Variants in ZNF385A observed in about 807,000 individuals in gnomAD.
ZNF385A encodes zinc finger protein 385A, also known as hematopoietic zinc finger protein.
Under a neutral mutation model 32.1 loss-of-function variants are expected in ZNF385A, and 14 were observed. The observed-to-expected ratio is 0.44, with a 90% CI of 0.29 to 0.68. ZNF385A has a LOEUF of 0.68. ZNF385A is among the 30% of genes least tolerant of loss of function. ZNF385A has a pLI of 0.14. For missense variants in ZNF385A, 406 were observed against 478.4 expected, an observed-to-expected ratio of 0.85 and a Z score of 1.41; for synonymous variants, 197 against 202.7, an observed-to-expected ratio of 0.97 and a Z score of 0.24.
At chr12:54,390,278 G>A (rs1223803942) in intron 1 of ZNF385A, among the ~76,000 whole-genome samples, 2 of 152,102 alleles carry the variant, frequency 1.3e-5, no homozygotes, top group East Asian at 1.9e-4. Flanking sequence ...CAGGGTGGAG[G>A]GCAGGGGCAT....
chr12:54,386,322 G>A (rs1955480319), upstream of ZNF385A, among the ~76,000 whole-genome samples: 1 of 152,122 alleles, frequency 6.6e-6, no homozygotes, highest in African/African-American at 2.4e-5. Flanking sequence ...GAGAACAATG[G>A]AGAGATGTCA....
At chr12:54,386,102 G>C (rs1490177777), upstream of ZNF385A, among the ~76,000 whole-genome samples, 1 of 151,746 alleles carries the variant, frequency 6.6e-6, no homozygotes, top group Non-Finnish European at 1.5e-5. Flanking sequence ...CCCTTAAGTA[G>C]CTGGGGGTCT....
chr12:54,391,211 C>T (rs1189624064), intron 1 of ZNF385A: 1 of 1,468,068 alleles, frequency 6.8e-7, no homozygotes. Context: ...GAGCCGGGAG[C>T]CTGGAGTCGC....
intron 1 of ZNF385A, 105 bp downstream of exon 1, chr12:54,384,323 A>T: frequency 7.6e-7 from 1 of 1,323,290 alleles, no homozygotes; most frequent in Non-Finnish European, 1.0e-6. Flanking sequence ...ATGGGGTCAT[A>T]AGAGGAGATA....
intron 1 of ZNF385A, among the ~76,000 whole-genome samples, chr12:54,377,830 A>T (rs1954926166): frequency 1.3e-5 from 2 of 152,134 alleles, no homozygotes; most frequent in Admixed American, 6.6e-5. Flanking sequence ...GGGCCAGGAA[A>T]CCCAAGTTGG....
At chr12:54,373,525 A>G (rs1016351376) in intron 3 of ZNF385A, among the ~76,000 whole-genome samples, 1 of 150,602 alleles carries the variant, frequency 6.6e-6, no homozygotes, top group Non-Finnish European at 1.5e-5. Context: ...CAAAAGGTCT[A>G]CTACTACCCA....
At position 54,370,579 on chromosome 12, in the gene ZNF385A, C is replaced by G. The variant is rs1287810840; in HGVS notation, c.870+47G>C. The G allele has an allele frequency of 6.4e-7, 1 of 1,558,564 alleles. No homozygotes were observed. Among genetic ancestry groups the G allele is most frequent in the East Asian group, 2.4e-5 (1 of 41,812 alleles). On this transcript the variant is annotated intron_variant, in intron 6 of 6. Coordinates refer to ENST00000394313, the MANE Select transcript of ZNF385A (RefSeq NM_015481.3). The surrounding 1 kb of genome is among the most constrained non-coding windows in gnomAD (Gnocchi z 5.5). ...GCAAAGCCCGCGTCCCTCTCTCCTC[C>G]CCGCCCGCGCCCTCCCACTGCTGAA...
rs982992721 is a variant in ZNF385A at position 54,369,405 on chromosome 12, T to A, written c.*851A>T. ...GGGACAGCCATGAGGTCTAGGAACT[T>A]GGATCGGGGAGGCTACAGACTCGGC... On this transcript the variant is annotated 3_prime_UTR_variant, in exon 7 of 7. Transcript: ENST00000394313. 6.8e-6 allele frequency: 1 copy of A among 147,886 alleles called. No individual in the cohort carries two copies. Among genetic ancestry groups the A allele is most frequent in the Non-Finnish European group, 1.5e-5 (1 of 66,870 alleles). The allele number at this position is 147,886 out of a possible 1,614,324, so 9.2% of individuals were successfully genotyped here.
Position 54,370,128 on chromosome 12 carries a change from A to T in ZNF385A, c.*128T>A. On this transcript the variant is annotated 3_prime_UTR_variant, in exon 7 of 7. Coordinates refer to ENST00000394313, the MANE Select transcript of ZNF385A (RefSeq NM_015481.3). This position sits in a 1 kb window ranked among gnomAD's most constrained non-coding sequence, Gnocchi z 5.5. ...CCCCTCCCCTTTCCTGGAACCCCGT[A>T]TCTCGGGGTGGGGGGGGGGAAGGAG... is the stretch of plus-strand genomic sequence containing the variant. 1.4e-6 allele frequency: 1 copy of T among 701,678 alleles called. No individual in the cohort carries two copies. Among genetic ancestry groups the T allele is most frequent in the Non-Finnish European group, 2.1e-6 (1 of 484,660 alleles). The allele number at this position is 701,678 out of a possible 1,614,324, so 43.5% of individuals were successfully genotyped here.
intron 2 of ZNF385A, among the ~76,000 whole-genome samples, chr12:54,375,174 CA>C (rs890443532): frequency 1.3e-5 from 2 of 152,102 alleles, no homozygotes; most frequent in Admixed American, 1.3e-4. Flanking sequence ...CAAAAGCTCT[CA>C]GGGCCTGCAC....
intron 3 of ZNF385A, among the ~76,000 whole-genome samples, chr12:54,372,410 A>C (rs1954601525): frequency 1.3e-5 from 2 of 151,962 alleles, no homozygotes; most frequent in Admixed American, 1.3e-4. Flanking sequence ...GGAACTCCTC[A>C]CCCCTCCAGG....
Position 54,374,005 on chromosome 12 carries a change from G to A in ZNF385A, c.329C>T (p.Pro110Leu). The A allele has an allele frequency of 1.3e-6, 2 of 1,579,548 alleles. No homozygotes were observed. The highest frequency in any genetic ancestry group is 1.7e-6 in the Non-Finnish European group (2 of 1,160,428). Residue 110 changes from proline to leucine, a missense_variant, in exon 3 of 7, where the codon CCA becomes CTA. By Grantham distance (98) the Pro-to-Leu change is moderately conservative (BLOSUM62 -3). Coordinates refer to ENST00000394313, the MANE Select transcript of ZNF385A (RefSeq NM_015481.3). ...PGDPAPPGST[P>L]TNGDGVAPRP... Reference sequence around the variant, plus strand: ...GGGTGCTACACCATCCCCATTTGTTGGGGTGCTGCCTGGGGGAGCTGGGTC... The same window carrying A: ...GGGTGCTACACCATCCCCATTTGTTAGGGTGCTGCCTGGGGGAGCTGGGTC...
intron 1 of ZNF385A, among the ~76,000 whole-genome samples, chr12:54,390,095 G>A (rs1371973946): frequency 6.6e-6 from 1 of 152,160 alleles, no homozygotes; most frequent in African/African-American, 2.4e-5. Flanking sequence ...GAGTGCAGGA[G>A]CCAGTCAAGC....
intron 1 of ZNF385A, chr12:54,391,117 C>G (rs373926796): frequency 9.4e-7 from 1 of 1,062,828 alleles, no homozygotes; most frequent in Non-Finnish European, 1.3e-6. Context: ...GAGGGGGAAC[C>G]GGTCGCTGAC....
intron 1 of ZNF385A, among the ~76,000 whole-genome samples, chr12:54,380,924 G>A (rs1488412126): frequency 2.0e-5 from 3 of 152,050 alleles, no homozygotes; most frequent in African/African-American, 4.8e-5. Flanking sequence ...TTGGCCGGGC[G>A]CAGTGGCTCA....
chr12:54,376,594 C>T (rs1954860203), intron 1 of ZNF385A, among the ~76,000 whole-genome samples: 1 of 152,148 alleles, frequency 6.6e-6, no homozygotes, highest in African/African-American at 2.4e-5. Flanking sequence ...AATGGGGGGA[C>T]CTAAGCAGCT....
rs370356057 is a variant in ZNF385A, at chr12:54,375,992, G to A, written c.88-38C>T. Reference sequence around the variant, plus strand: ...GCTGGGGTGAGCCGGGAACCCTAGCGCAACTCATGTCCAGCATTCCCCCAA... The same window carrying A: ...GCTGGGGTGAGCCGGGAACCCTAGCACAACTCATGTCCAGCATTCCCCCAA... On this transcript the variant is annotated intron_variant, in intron 1 of 6. Coordinates refer to ENST00000394313, the MANE Select transcript of ZNF385A (RefSeq NM_015481.3). 2.4e-5 allele frequency: 36 copies of A among 1,526,850 alleles called. 1 individual carries two copies. Among genetic ancestry groups the A allele is most frequent in the South Asian group, 9.0e-5 (8 of 89,280 alleles). 94.6% of individuals were successfully genotyped at this position (1,526,850 alleles called of 1,614,324 possible).
intron 1 of ZNF385A, among the ~76,000 whole-genome samples, chr12:54,378,526 A>G (rs1220217868): frequency 1.3e-5 from 2 of 152,156 alleles, no homozygotes; most frequent in African/African-American, 4.8e-5. Flanking sequence ...GAGGGGTGCT[A>G]TGATTATATT....
Position 54,370,629 on chromosome 12 carries a change from C to T in ZNF385A, c.867G>A (p.Leu289=), listed in dbSNP as rs1954486906. 1 of 1,599,720 alleles carries T rather than the reference C, an allele frequency of 6.3e-7. No individual in the cohort carries two copies. Among genetic ancestry groups the T allele is most frequent in the African/African-American group, 1.3e-5 (1 of 74,870 alleles). ...ATTCCCAGCATCCAGGCCTCACCGC[C>T]AGCTCCCCGGCGCCCCTAGACTTCT... ...RHKKSRGAGE[L]AGTLTFSKEL... Residue 289 remains leucine, a synonymous_variant, in exon 6 of 7, where the codon CTG becomes CTA. Transcript: ENST00000394313. This position sits in a 1 kb window ranked among gnomAD's most constrained non-coding sequence, Gnocchi z 5.5.
Sources: gnomAD v4.1 joint callset for allele counts (sites outside exome capture counted in the v4.1 genomes callset) on GRCh38, gnomAD v4.1.1 for gene constraint, Gnocchi (gnomAD v3.1) non-coding constraint, MANE v1.5 for transcripts, NCBI Gene and HGNC (gene_info 2026-07-23, HGNC 2026-07-21) for gene names.